The following SRL variants were observed in gnomAD, a reference collection of about 807,000 sequenced individuals.
The protein encoded by SRL is sarcalumenin.
In SRL, 23 loss-of-function variants were observed where a neutral mutation model predicts 39.5. That is an observed-to-expected ratio of 0.58 (90% CI 0.42 to 0.82). The LOEUF (loss-of-function observed/expected upper bound fraction) is 0.82. Ranked by LOEUF, SRL falls within the 40% of genes least tolerant of loss-of-function variation. The pLI is 0.00. For synonymous variants in SRL, 272 were observed against 237.4 expected, an observed-to-expected ratio of 1.15 and a Z score of -1.34; for missense variants, 592 against 607.8, an observed-to-expected ratio of 0.97 and a Z score of 0.27.
At chr16:4,217,150 A>G (rs989049305) in intron 1 of SRL, among the ~76,000 whole-genome samples, 1 of 152,182 alleles carries the variant, frequency 6.6e-6, no homozygotes, top group African/African-American at 2.4e-5. Context: ...GCCCACGGCT[A>G]TGCCTTTTCT....
At chr16:4,199,531 CA>C (rs1446071047) in intron 3 of SRL, among the ~76,000 whole-genome samples, 1 of 151,508 alleles carries the variant, frequency 6.6e-6, no homozygotes, top group Non-Finnish European at 1.5e-5. Flanking sequence ...CCACCAAGCC[CA>C]GCTCATTTTT....
At chr16:4,204,992 G>C (rs1264774099) in intron 1 of SRL, among the ~76,000 whole-genome samples, 2 of 152,188 alleles carry the variant, frequency 1.3e-5, no homozygotes, top group African/African-American at 4.8e-5. Context: ...TTAGGCAGCT[G>C]CTCTTAGTCC....
chr16:4,225,604 T>C (rs569735515), intron 1 of SRL, among the ~76,000 whole-genome samples: 36 of 152,094 alleles, frequency 2.4e-4, no homozygotes, highest in Non-Finnish European at 4.6e-4. Context: ...GATTCTTTTC[T>C]TTCTCCAAAA....
intron 1 of SRL, among the ~76,000 whole-genome samples, chr16:4,227,673 G>A (rs1467523223): frequency 1.3e-5 from 2 of 152,154 alleles, no homozygotes; most frequent in Admixed American, 6.6e-5. Context: ...AGAGACAGGA[G>A]AGGACCCAGA....
chr16:4,217,053 C>T (rs888075902), intron 1 of SRL, among the ~76,000 whole-genome samples: 8 of 152,198 alleles, frequency 5.3e-5, no homozygotes, highest in Non-Finnish European at 8.8e-5. Context: ...CCCACCCCAT[C>T]CCCAATCCAG....
chr16:4,209,861 T>C (rs2141041471), intron 1 of SRL, among the ~76,000 whole-genome samples: 1 of 152,236 alleles, frequency 6.6e-6, no homozygotes, highest in East Asian at 1.9e-4. Context: ...ACATCACCAC[T>C]AGGTAGTTAA....
At chr16:4,212,868 TC>T (rs1397256086) in intron 1 of SRL, among the ~76,000 whole-genome samples, 2 of 152,030 alleles carry the variant, frequency 1.3e-5, no homozygotes. Flanking sequence ...CCAGGCTCAG[TC>T]CCTCTCTCCT....
intron 1 of SRL, among the ~76,000 whole-genome samples, chr16:4,228,071 C>G (rs2052611935): frequency 6.6e-6 from 1 of 152,190 alleles, no homozygotes; most frequent in Non-Finnish European, 1.5e-5. Context: ...AAAGGAGAGC[C>G]TGGGATGCTG....
chr16:4,240,688 C>T (rs562333831), intron 1 of SRL, among the ~76,000 whole-genome samples: 51 of 152,248 alleles, frequency 3.3e-4, no homozygotes, highest in Non-Finnish European at 5.6e-4. Context: ...AAAGGATGTC[C>T]CTAAAAGGCC....
chr16:4,211,158 T>C (rs550388103), intron 1 of SRL, among the ~76,000 whole-genome samples: 4 of 142,922 alleles, frequency 2.8e-5, no homozygotes, highest in Non-Finnish European at 4.7e-5. Context: ...ACCAGCATCA[T>C]GATTAAAAAA....
At chr16:4,195,842 C>T in intron 4 of SRL, 56 bp from the exon 5 acceptor site, 1 of 1,460,718 alleles carries the variant, frequency 6.8e-7, no homozygotes, top group Non-Finnish European at 9.4e-7. Context: ...AACAGATCTA[C>T]TGAGAAGCAT....
intron 1 of SRL, among the ~76,000 whole-genome samples, chr16:4,231,941 G>C (rs1368841262): frequency 6.6e-6 from 1 of 152,218 alleles, no homozygotes; most frequent in Non-Finnish European, 1.5e-5. Flanking sequence ...GCTGGAAATA[G>C]AGCAAGTATC....
chr16:4,197,817 G>A lies in SRL; in HGVS notation c.358C>T (p.Arg120Cys), dbSNP rs948766234. Residue 120 changes from arginine to cysteine, a missense_variant, in exon 4 of 6, where the codon CGC becomes TGC. By Grantham distance (180) the Arg-to-Cys change is radical. Coordinates refer to ENST00000399609, the MANE Select transcript of SRL (RefSeq NM_001098814.2). ...TGATTACCTGTATAGAGCTGATAGCGAGTATTTTCCAGCCCAAGGAGGTAG... is the reference window on the plus strand; with the variant it reads ...TGATTACCTGTATAGAGCTGATAGCAAGTATTTTCCAGCCCAAGGAGGTAG... ...INYLLGLENTRYQLYTGAEPT... is the reference protein window; with the variant it reads ...INYLLGLENTCYQLYTGAEPT... 26 of 1,607,920 alleles carry A rather than the reference G, an allele frequency of 1.6e-5. No homozygotes were observed. The highest frequency in any genetic ancestry group is 2.2e-5 in the East Asian group (1 of 44,870).
chr16:4,226,311 T>C (rs1013610400), intron 1 of SRL, among the ~76,000 whole-genome samples: 1 of 152,022 alleles, frequency 6.6e-6, no homozygotes, highest in Non-Finnish European at 1.5e-5. Flanking sequence ...GCTGGATGGA[T>C]GAATGAATGG....
chr16:4,206,665 G>C (rs976981601), intron 1 of SRL: 4 of 456,610 alleles, frequency 8.8e-6, no homozygotes, highest in African/African-American at 6.0e-5. Context: ...CTACACACAA[G>C]ACTTCCAGGG....
intron 1 of SRL, among the ~76,000 whole-genome samples, chr16:4,222,734 G>A (rs529084062): frequency 6.6e-6 from 1 of 152,326 alleles, no homozygotes; most frequent in Admixed American, 6.5e-5. Flanking sequence ...CTTGCTCCTG[G>A]CCAGCACTTC....
Position 4,190,394 on chromosome 16 carries a change from C to G in SRL, c.*1759G>C. 2.5e-6 allele frequency: 1 copy of G among 398,856 alleles called. No homozygotes were observed. The highest frequency in any genetic ancestry group is 4.4e-6 in the Non-Finnish European group (1 of 226,260). The allele number at this position is 398,856 out of a possible 1,614,324, so 24.7% of individuals were successfully genotyped here. ...TGCCTCGTGGGTAAGGCCCCCAGGACAGCTTGTTCCCAAGAGAAGCGGCTG... is the reference window on the plus strand; with the variant it reads ...TGCCTCGTGGGTAAGGCCCCCAGGAGAGCTTGTTCCCAAGAGAAGCGGCTG... On this transcript the variant is annotated 3_prime_UTR_variant, in exon 6 of 6. Transcript: ENST00000399609.
At chr16:4,239,130 C>A (rs1307414683) in intron 1 of SRL, among the ~76,000 whole-genome samples, 1 of 152,220 alleles carries the variant, frequency 6.6e-6, no homozygotes, top group Non-Finnish European at 1.5e-5. Context: ...CCTGCCACAG[C>A]TAGGCTGCCC....
intron 2 of SRL, among the ~76,000 whole-genome samples, chr16:4,204,269 C>T (rs890241767): frequency 4.6e-5 from 7 of 152,188 alleles, no homozygotes; most frequent in Non-Finnish European, 8.8e-5. Flanking sequence ...CACACCAGGC[C>T]GTCTACTTGG....
Sources: gnomAD v4.1 joint callset for allele counts (sites outside exome capture counted in the v4.1 genomes callset) on GRCh38, gnomAD v4.1.1 for gene constraint, MANE v1.5 for transcripts, NCBI Gene and HGNC (gene_info 2026-07-23, HGNC 2026-07-21) for gene names.